The following SFI1 variants were observed in gnomAD, a reference collection of about 807,000 sequenced individuals.
SFI1 encodes protein SFI1 homolog.
In SFI1, 195 loss-of-function variants were observed where a neutral mutation model predicts 207.5. That is an observed-to-expected ratio of 0.94 (90% CI 0.84 to 1.06). The LOEUF (loss-of-function observed/expected upper bound fraction) is 1.06. Among genes scored for constraint, SFI1 ranks in the 50% least tolerant of loss-of-function variants. SFI1 has a pLI of 0.00. For synonymous variants in SFI1, 630 were observed against 598.9 expected (o/e 1.05, Z -0.76); for missense variants, 1,634 against 1,588.0 (o/e 1.03, Z -0.49).
At chr22:31,529,916 A>G (rs2058301202) in intron 3 of SFI1, among the ~76,000 whole-genome samples, 1 of 152,106 alleles carries the variant, frequency 6.6e-6, no homozygotes, top group Admixed American at 6.6e-5. Flanking sequence ...CACGCCTGTA[A>G]TCCCAGCACT....
intron 3 of SFI1, chr22:31,530,509 A>AAAAAG (rs2058407519): frequency 1.2e-5 from 4 of 323,480 alleles, no homozygotes; most frequent in South Asian, 2.5e-5. Flanking sequence ...AAAAAAAAAA[A>AAAAAG]AAAAGACAAG....
chr22:31,585,222 C>T (rs2095738258), intron 14 of SFI1, 88 bp downstream of exon 14: 6 of 1,143,618 alleles, frequency 5.2e-6, no homozygotes, highest in Non-Finnish European at 7.7e-6. Flanking sequence ...AGACCTATGC[C>T]AAGAAGTCTT....
intron 19 of SFI1, 134 bp from the exon 20 acceptor site, chr22:31,604,735 G>A: frequency 1.4e-6 from 1 of 726,408 alleles, no homozygotes; most frequent in Non-Finnish European, 2.3e-6. Flanking sequence ...TGGGACCAGG[G>A]GCTGTTGGCC....
At chr22:31,584,551 T>C (rs540813879) in intron 13 of SFI1, among the ~76,000 whole-genome samples, 1 of 152,298 alleles carries the variant, frequency 6.6e-6, no homozygotes, top group South Asian at 2.1e-4. Flanking sequence ...CCTTCCTTTC[T>C]TTGCCCTCCT....
chr22:31,548,042 G>A (rs1417294521), intron 5 of SFI1, among the ~76,000 whole-genome samples: 4 of 151,376 alleles, frequency 2.6e-5, no homozygotes, highest in African/African-American at 9.7e-5. Flanking sequence ...GTGAAACCCC[G>A]TCTCTACTAA....
Position 31,602,670 on chromosome 22 carries a change from G to C in SFI1, c.1690G>C (p.Ala564Pro), listed in dbSNP as rs769019922. 1 of 1,614,100 alleles carries C rather than the reference G, an allele frequency of 6.2e-7. No individual in the cohort carries two copies. The highest frequency in any genetic ancestry group is 8.5e-7 in the Non-Finnish European group (1 of 1,180,050). ...RSWFMWHQQA[A>P]ARHQEQEWQT... Reference sequence around the variant, plus strand: ...TTGGTTCATGTGGCACCAGCAGGCAGCAGCACGTCACCAGGAGCAGGAGTG... The same window carrying C: ...TTGGTTCATGTGGCACCAGCAGGCACCAGCACGTCACCAGGAGCAGGAGTG... The change falls in exon 17 of 33, where the codon GCA becomes CCA. Residue 564 changes from alanine to proline, a missense_variant. Transcript: ENST00000400288.
At chr22:31,581,153 G>GT (rs2064122758) in intron 12 of SFI1, among the ~76,000 whole-genome samples, 1 of 150,684 alleles carries the variant, frequency 6.6e-6, no homozygotes, top group South Asian at 2.1e-4. Flanking sequence ...GCTAATTTTT[G>GT]TATTTTTTGT....
chr22:31,559,910 T>G (rs2061517717), intron 7 of SFI1: 1 of 633,076 alleles, frequency 1.6e-6, no homozygotes. Context: ...CCACCATGGC[T>G]GTACCATGGG....
intron 5 of SFI1, among the ~76,000 whole-genome samples, chr22:31,547,428 A>C (rs2147918178): frequency 6.6e-6 from 1 of 152,268 alleles, no homozygotes; most frequent in East Asian, 1.9e-4. Flanking sequence ...CTACTGCCTC[A>C]GTCTCCCAAG....
chr22:31,611,331 G>T (rs753398224), intron 23 of SFI1, 28 bp downstream of exon 23: 61 of 1,563,922 alleles, frequency 3.9e-5, no homozygotes, highest in Non-Finnish European at 4.9e-5. Context: ...AACTCTCCAA[G>T]TTCTGCCTGC....
At chr22:31,592,847 A>G (rs1394924999) in intron 15 of SFI1, among the ~76,000 whole-genome samples, 688 of 57,506 alleles carry the variant, frequency 0.012, no homozygotes, top group Admixed American at 0.022. Context: ...GCGGCTGGCC[A>G]GGCGGGGGGG....
intron 24 of SFI1, 144 bp from the exon 25 acceptor site, chr22:31,612,998 G>A (rs973953864): frequency 5.2e-6 from 4 of 764,950 alleles, no homozygotes; most frequent in African/African-American, 3.5e-5. Context: ...TCACCGCCAG[G>A]CACAAGGCTG....
intron 8 of SFI1, among the ~76,000 whole-genome samples, chr22:31,569,080 C>G (rs1378503480): frequency 6.6e-6 from 1 of 152,140 alleles, no homozygotes; most frequent in African/African-American, 2.4e-5. Flanking sequence ...AAACTGTTAA[C>G]TCCAAGAAAC....
intron 2 of SFI1, among the ~76,000 whole-genome samples, chr22:31,513,664 G>A (rs960341673): frequency 4.0e-5 from 6 of 151,658 alleles, no homozygotes; most frequent in Admixed American, 1.3e-4. Flanking sequence ...TGCAACCTCC[G>A]TCTCCTGGGT....
Position 31,615,112 on chromosome 22 carries a change from C to T in SFI1, c.3133C>T (p.Pro1045Ser). ...AQPAAPSLTR[P>S]FLAEAPTALV... ...GCCAGCAGCCCCCTCCCTGACGCGGCCCTTCCTGGCAGAGGCCCCGACAGC... is the reference window on the plus strand; with the variant it reads ...GCCAGCAGCCCCCTCCCTGACGCGGTCCTTCCTGGCAGAGGCCCCGACAGC... Residue 1045 changes from proline (P) to serine (S), a missense_variant, in exon 29 of 33, where the codon CCC becomes TCC. Pro to Ser is a moderately conservative substitution (Grantham distance 74, BLOSUM62 -1). Coordinates refer to ENST00000400288, the MANE Select transcript of SFI1 (RefSeq NM_001007467.3). 6.2e-7 allele frequency: 1 copy of T among 1,606,944 alleles called. No individual in the cohort carries two copies. The highest frequency in any genetic ancestry group is 8.5e-7 in the Non-Finnish European group (1 of 1,176,864).
chr22:31,566,048 C>G lies in SFI1; in HGVS notation c.765+4656C>G, dbSNP rs73400224. Among the ~76,000 whole-genome samples, 1,130 of 151,954 alleles carry G rather than the reference C, an allele frequency of 7.4e-3. 14 individuals are homozygous for G. Among genetic ancestry groups the G allele is most frequent in the African/African-American group, 0.026 (1,071 of 41,432 alleles). On this transcript the variant is annotated intron_variant, in intron 8 of 32. Coordinates refer to ENST00000400288, the MANE Select transcript of SFI1 (RefSeq NM_001007467.3). ...AAACAAGGCACCATTTATCTGCTTA[C>G]TTACTGATGGACTGTTGACTTCCTC...
At chr22:31,525,105 T>C (rs959896635) in intron 2 of SFI1, among the ~76,000 whole-genome samples, 2 of 152,172 alleles carry the variant, frequency 1.3e-5, no homozygotes, top group Non-Finnish European at 2.9e-5. Context: ...GTAATCTCAT[T>C]CTATAGGTTG....
intron 12 of SFI1, among the ~76,000 whole-genome samples, chr22:31,581,509 C>G (rs117006621): frequency 1.3e-5 from 2 of 151,970 alleles, no homozygotes; most frequent in Non-Finnish European, 2.9e-5. Flanking sequence ...TTGGGCTGGT[C>G]GCAAACTCCT....
intron 2 of SFI1, among the ~76,000 whole-genome samples, chr22:31,514,701 G>A (rs542095016): frequency 6.6e-6 from 1 of 151,204 alleles, no homozygotes; most frequent in African/African-American, 2.4e-5. Context: ...GTCTTTGTGT[G>A]TTTGGAGTAT....
Sources: gnomAD v4.1 joint callset for allele counts (sites outside exome capture counted in the v4.1 genomes callset) on GRCh38, gnomAD v4.1.1 for gene constraint, MANE v1.5 for transcripts, NCBI Gene and HGNC (gene_info 2026-07-23, HGNC 2026-07-21) for gene names.